ZFYVE26: variants seen among roughly 807,000 people sequenced by gnomAD.
ZFYVE26 encodes the protein zinc finger FYVE-type containing 26, also known as zinc finger FYVE domain-containing protein 26.
ZFYVE26 carries 181 observed loss-of-function variants against 276.5 expected under a neutral mutation model. That is an observed-to-expected ratio of 0.65 (90% CI 0.58 to 0.74). The LOEUF (loss-of-function observed/expected upper bound fraction) is 0.74. ZFYVE26 is among the 30% of genes least tolerant of loss of function. The pLI is 0.00. For synonymous variants in ZFYVE26, 1,129 were observed against 1,203.1 expected, an observed-to-expected ratio of 0.94 and a Z score of 1.27; for missense variants, 2,821 against 3,097.9, an observed-to-expected ratio of 0.91 and a Z score of 2.12.
chr14:67,746,300 C>CAA (rs11404942), downstream of ZFYVE26, among the ~76,000 whole-genome samples: 359 of 149,500 alleles, frequency 2.4e-3, 2 homozygotes, highest in Admixed American at 4.7e-3. Context: ...CCAACTGAAG[C>CAA]AAAAAAAAAA....
rs144303642 is a variant in ZFYVE26 at position 67,807,663 on chromosome 14, A to G, written c.621T>C (p.Pro207=). The G allele has an allele frequency of 3.7e-6, 6 of 1,614,072 alleles. No homozygotes were observed. The Admixed American group carries it at 8.3e-5, about 22-fold the overall frequency. ...IRKALRALQG[P]DSVPPGVVDA... ...CGACTACCCCAGGGGGCACCGAATC[A>G]GGGCCCTGCAAAGCCCGCAATGCCT... The change falls in exon 5 of 42, where the codon CCT becomes CCC. Residue 207 remains proline, a synonymous_variant. Transcript: ENST00000347230.
At chr14:67,795,180 C>T (rs9788517) in intron 12 of ZFYVE26, among the ~76,000 whole-genome samples, 4,123 of 152,214 alleles carry the variant, frequency 0.027, 99 homozygotes, top group East Asian at 0.074. Flanking sequence ...AAGGAACAGC[C>T]GTAGAAGAGA....
At chr14:67,741,522 A>T (rs903053447), downstream of ZFYVE26, among the ~76,000 whole-genome samples, 1 of 152,190 alleles carries the variant, frequency 6.6e-6, no homozygotes, top group Non-Finnish European at 1.5e-5. Context: ...CCAGATAGAA[A>T]TATGGTAGAT....
rs1342235895 is a variant in ZFYVE26 at position 67,809,133 on chromosome 14, TC to T, written c.363+66del. 2.9e-6 allele frequency: 4 copies of T among 1,363,948 alleles called. No homozygotes were observed. The African/African-American group carries it at 5.7e-5, about 20-fold the overall frequency. 84.5% of individuals were successfully genotyped at this position (1,363,948 alleles called of 1,614,324 possible). On this transcript the variant is annotated intron_variant, in intron 4 of 41. Transcript: ENST00000347230. The stretch of plus-strand genomic sequence containing the variant: ...ATCTTGGAGACCTCTCTCTTCTGGG[TC>T]CATGGAAGCTAAGCTGCTTAAGTGA...
chr14:67,745,012 T>G (rs2038464610), downstream of ZFYVE26, among the ~76,000 whole-genome samples: 1 of 152,232 alleles, frequency 6.6e-6, no homozygotes, highest in African/African-American at 2.4e-5. Flanking sequence ...ATGGTTGAAC[T>G]AATTTACACT....
At chr14:67,786,442 C>G (rs1039271021) in intron 16 of ZFYVE26, among the ~76,000 whole-genome samples, 2 of 152,194 alleles carry the variant, frequency 1.3e-5, no homozygotes. Flanking sequence ...GATGCCTCAG[C>G]TGTCAACAAC....
chr14:67,750,350 AGTTT>A, intron 41 of ZFYVE26: 1 of 154,468 alleles, frequency 6.5e-6, no homozygotes, highest in South Asian at 2.0e-4. Context: ...GCCTGACGTC[AGTTT>A]TCATCACAGG....
At position 67,762,640 on chromosome 14, in the gene ZFYVE26, G is replaced by A. The variant is rs1379393351; in HGVS notation, c.6159+32C>T. The A allele has an allele frequency of 4.3e-6, 7 of 1,611,056 alleles. No individual in the cohort carries two copies. The East Asian group carries it at 8.9e-5, about 21-fold the overall frequency. On this transcript the variant is annotated intron_variant, in intron 33 of 41. Coordinates refer to ENST00000347230, the MANE Select transcript of ZFYVE26 (RefSeq NM_015346.4). ...CAAAAGCAACTTGCTACAGTGGGGTGGAAGTAAGCTTTGTCTTTGTCTTTG... is the reference window on the plus strand; with the variant it reads ...CAAAAGCAACTTGCTACAGTGGGGTAGAAGTAAGCTTTGTCTTTGTCTTTG...
downstream of ZFYVE26, among the ~76,000 whole-genome samples, chr14:67,742,153 G>T (rs2038422181): frequency 6.6e-6 from 1 of 152,136 alleles, no homozygotes; most frequent in Admixed American, 6.5e-5. Flanking sequence ...GACACAAAAG[G>T]ACAAATACTG....
chr14:67,802,291 C>G lies in ZFYVE26; in HGVS notation c.1436-9G>C. ...TGGAGCATCAACTGCATCTGAATTA[C>G]AAAGAGAAACAGGCTGAACTTGAGA... On this transcript the variant is annotated splice_polypyrimidine_tract_variant and intron_variant, in intron 9 of 41. Transcript: ENST00000347230. The G allele has an allele frequency of 1.9e-6, 3 of 1,613,934 alleles. No individual in the cohort carries two copies. Among genetic ancestry groups the G allele is most frequent in the Non-Finnish European group, 2.5e-6 (3 of 1,179,890 alleles).
At chr14:67,787,313 G>A (rs549137294) in intron 16 of ZFYVE26, among the ~76,000 whole-genome samples, 8 of 151,910 alleles carry the variant, frequency 5.3e-5, no homozygotes, top group Non-Finnish European at 1.0e-4. Flanking sequence ...CCGAGATGGC[G>A]CCACTGCACT....
In ZFYVE26 at chr14:67,775,903, C is replaced by G; in HGVS notation, c.5178G>C (p.Glu1726Asp). Residue 1726 changes from glutamate to aspartate, a missense_variant, in exon 26 of 42, where the codon GAG becomes GAC. Transcript: ENST00000347230. ...EVDSLLSRYA[E>D]KALDFPYPQR... Reference sequence around the variant, plus strand: ...GAGGGTATGGAAAGTCCAGGGCTTTCTCTGCGTATCTGGAAAGCAGTGAGT... The same window carrying G: ...GAGGGTATGGAAAGTCCAGGGCTTTGTCTGCGTATCTGGAAAGCAGTGAGT... The G allele has an allele frequency of 6.2e-7, 1 of 1,614,236 alleles. No individual in the cohort carries two copies. The highest frequency in any genetic ancestry group is 8.5e-7 in the Non-Finnish European group (1 of 1,180,032).
At chr14:67,769,464 G>T in intron 29 of ZFYVE26, 130 bp downstream of exon 29, 1 of 1,365,400 alleles carries the variant, frequency 7.3e-7, no homozygotes, top group Non-Finnish European at 1.0e-6. Context: ...TAGAGTTAAT[G>T]GCATTTCAGT....
intron 13 of ZFYVE26, among the ~76,000 whole-genome samples, chr14:67,738,844 C>T (rs1016218533): frequency 1.3e-5 from 2 of 152,164 alleles, no homozygotes; most frequent in African/African-American, 4.8e-5. Context: ...CAGTGTCTAC[C>T]TCTGCTTTCT....
chr14:67,762,548 C>T (rs1178182902), intron 33 of ZFYVE26, 124 bp downstream of exon 33: 2 of 1,559,114 alleles, frequency 1.3e-6, no homozygotes, highest in Non-Finnish European at 1.7e-6. Flanking sequence ...GCAAACTAGT[C>T]ATGTCCCCGA....
Position 67,729,291 on chromosome 14 carries a change from C to T in ZFYVE26, n.3208G>A, listed in dbSNP as rs537229899. Reference sequence around the variant, plus strand: ...GCCTGCTCTGGCGGCTCTTCTCCCCCTTTGTCAAGACGGCACGGGAGGGGG... The same window carrying T: ...GCCTGCTCTGGCGGCTCTTCTCCCCTTTTGTCAAGACGGCACGGGAGGGGG... On this transcript the variant is annotated non_coding_transcript_exon_variant, in exon 14 of 15. Transcript: ENST00000394455. The T allele has an allele frequency of 8.1e-6, 13 of 1,604,320 alleles. No homozygotes were observed. The South Asian group carries it at 1.1e-4, about 14-fold the overall frequency.
chr14:67,743,697 T>A (rs1045367720), downstream of ZFYVE26, among the ~76,000 whole-genome samples: 10 of 152,082 alleles, frequency 6.6e-5, no homozygotes, highest in Non-Finnish European at 1.5e-5. Flanking sequence ...AAGGCAGATC[T>A]GGTGTGGGAA....
chr14:67,776,047 G>A lies in ZFYVE26; in HGVS notation c.5034C>T (p.Pro1678=). ...TAAGCAGCTGCTCCAGCATGAACAG[G>A]GGGTTAGAGGACAAGTGGGAATAGC... ...RASYSHLSSN[P]LFMLEQLLMN... Residue 1678 remains proline, a synonymous_variant, in exon 26 of 42, where the codon CCC becomes CCT. Coordinates refer to ENST00000347230, the MANE Select transcript of ZFYVE26 (RefSeq NM_015346.4). 1.9e-6 allele frequency: 3 copies of A among 1,614,236 alleles called. No homozygotes were observed. The highest frequency in any genetic ancestry group is 1.7e-6 in the Non-Finnish European group (2 of 1,180,050).
chr14:67,752,494 G>A lies in ZFYVE26; in HGVS notation c.7221C>T (p.Cys2407=). 6.2e-7 allele frequency: 1 copy of A among 1,614,166 alleles called. No individual in the cohort carries two copies. The highest frequency in any genetic ancestry group is 2.2e-5 in the East Asian group (1 of 44,876). ...TCTCCACCAACTGGCGGGCAGCTCT[G>A]CAGTAGGTCATGGCAGCATCCAGCT... is the stretch of plus-strand genomic sequence containing the variant. ...DFQLDAAMTY[C]RAARQLVEKE... The change falls in exon 40 of 42, where the codon TGC becomes TGT. Residue 2407 remains cysteine (C), a synonymous_variant. Coordinates refer to ENST00000347230, the MANE Select transcript of ZFYVE26 (RefSeq NM_015346.4).
Sources: allele counts gnomAD v4.1 joint callset (sites outside exome capture counted in the v4.1 genomes callset), GRCh38; gene constraint gnomAD v4.1.1; transcripts MANE v1.5; gene names NCBI Gene and HGNC (gene_info 2026-07-23, HGNC 2026-07-21).